TGIF1: variants seen among roughly 807,000 people sequenced by gnomAD.
The protein encoded by TGIF1 is TGFB induced factor homeobox 1.
Under a neutral mutation model 19.3 loss-of-function variants are expected in TGIF1, and 4 were observed. The observed-to-expected ratio is 0.21, with a 90% CI of 0.10 to 0.47. The LOEUF is 0.47. Ranked by LOEUF, TGIF1 falls within the 20% of genes least tolerant of loss-of-function variation. The pLI is 0.98. For missense variants in TGIF1, 275 were observed against 341.4 expected, an observed-to-expected ratio of 0.81 and a Z score of 1.53; for synonymous variants, 122 against 129.3, an observed-to-expected ratio of 0.94 and a Z score of 0.38.
intron 2 of TGIF1, among the ~76,000 whole-genome samples, chr18:3,441,069 G>GT (rs999242381): frequency 6.6e-6 from 1 of 152,048 alleles, no homozygotes; most frequent in Non-Finnish European, 1.5e-5. Context: ...CCCCCTCCAT[G>GT]TTTTTTGGTT....
At chr18:3,426,216 T>A (rs1199226642) in intron 2 of TGIF1, among the ~76,000 whole-genome samples, 3 of 143,560 alleles carry the variant, frequency 2.1e-5, no homozygotes, top group African/African-American at 8.1e-5. Flanking sequence ...TTGCCCAGGC[T>A]GGAGTGCAGT....
chr18:3,429,981 C>G (rs778090599), intron 2 of TGIF1, among the ~76,000 whole-genome samples: 17 of 152,166 alleles, frequency 1.1e-4, no homozygotes, highest in Non-Finnish European at 2.2e-4. Context: ...ATGGCAAAAC[C>G]CCTTCTCTAC....
chr18:3,448,604 G>A (rs2082795913), upstream of TGIF1: 2 of 985,412 alleles, frequency 2.0e-6, no homozygotes, highest in Non-Finnish European at 2.4e-6. Context: ...TAAGGTTGCT[G>A]CCTTCTTAGA....
Position 3,451,345 on chromosome 18 carries a change from AG to A in TGIF1, c.16+845del. ...TTGGTTTAAAAACAAAATACACCGG[AG>A]GGGGACGGGGGGTGGAGAAACCACA... On this transcript the variant is annotated intron_variant, in intron 1 of 2. Transcript: ENST00000343820. This position sits in a 1 kb window ranked among gnomAD's most constrained non-coding sequence, Gnocchi z 5.4. The A allele has an allele frequency of 1.0e-6, 1 of 985,168 alleles. No homozygotes were observed. Among genetic ancestry groups the A allele is most frequent in the Non-Finnish European group, 1.2e-6 (1 of 829,754 alleles). 61.0% of individuals were successfully genotyped at this position (985,168 alleles called of 1,614,324 possible).
rs2049423215 is a variant in TGIF1, at chr18:3,458,111, A to C, written c.*171A>C. ...GGAATACAGTCATTCCAAGAACTAT[A>C]AACTTAAAGCTACTGTAGAAACAAA... On this transcript the variant is annotated 3_prime_UTR_variant, in exon 3 of 3. Coordinates refer to ENST00000343820, the MANE Select transcript of TGIF1 (RefSeq NM_003244.4). 1.6e-6 allele frequency: 1 copy of C among 632,934 alleles called. No homozygotes were observed. Among genetic ancestry groups the C allele is most frequent in the Admixed American group, 2.9e-5 (1 of 34,190 alleles). 39.2% of individuals were successfully genotyped at this position (632,934 alleles called of 1,614,324 possible).
At chr18:3,430,399 G>A (rs969124742) in intron 2 of TGIF1, among the ~76,000 whole-genome samples, 1 of 152,094 alleles carries the variant, frequency 6.6e-6, no homozygotes, top group Non-Finnish European at 1.5e-5. Flanking sequence ...TAATAAAAAT[G>A]TGAAATGTTA....
chr18:3,415,437 G>A (rs2082319881), intron 1 of TGIF1: 2 of 496,504 alleles, frequency 4.0e-6, no homozygotes, highest in Admixed American at 2.1e-5. Flanking sequence ...CTCAGGCAGA[G>A]GATCCAAAAT....
rs759717484 is a variant in TGIF1, at chr18:3,457,683, C to T, written c.562C>T (p.Leu188Phe). 1.9e-6 allele frequency: 3 copies of T among 1,614,236 alleles called. No homozygotes were observed. The highest frequency in any genetic ancestry group is 2.5e-6 in the Non-Finnish European group (3 of 1,180,044). ...TGCATTGAAAGATGTCCCTTTCTCTCTCTGCCAGTCGGTCGGTGTGGGACA... is the reference window on the plus strand; with the variant it reads ...TGCATTGAAAGATGTCCCTTTCTCTTTCTGCCAGTCGGTCGGTGTGGGACA... ...VTALKDVPFSLCQSVGVGQNT... is the reference protein window; with the variant it reads ...VTALKDVPFSFCQSVGVGQNT... The change falls in exon 3 of 3, where the codon CTC (leucine) becomes TTC (phenylalanine). Residue 188 changes from leucine to phenylalanine, a missense_variant. By Grantham distance (22) the Leu-to-Phe change is conservative. Transcript: ENST00000343820. This position sits in a 1 kb window ranked among gnomAD's most constrained non-coding sequence, Gnocchi z 4.9.
chr18:3,445,756 G>GGAAAA (rs2082735642), upstream of TGIF1, among the ~76,000 whole-genome samples: 1 of 22,746 alleles, frequency 4.4e-5, no homozygotes, highest in Non-Finnish European at 7.1e-5. Context: ...AAAAAAAAGA[G>GGAAAA]AAGAAAAGCA....
At chr18:3,448,717 C>CTTTGTTTTTTTTTTTTTTTTTTTTTTTTT (rs2082803061), upstream of TGIF1, 1 of 244,906 alleles carries the variant, frequency 4.1e-6, no homozygotes, top group African/African-American at 4.2e-5. Context: ...GCGGGGGTGT[C>CTTTGTTTTTTTTTTTTTTTTTTTTTTTTT]TTTTTTTTTT....
chr18:3,414,218 T>G (rs2082303638), intron 1 of TGIF1, among the ~76,000 whole-genome samples: 1 of 152,238 alleles, frequency 6.6e-6, no homozygotes, highest in South Asian at 2.1e-4. Context: ...TTATTCTCAC[T>G]TAAATACTTC....
At chr18:3,440,718 G>A (rs981575706) in intron 2 of TGIF1, among the ~76,000 whole-genome samples, 5 of 152,164 alleles carry the variant, frequency 3.3e-5, no homozygotes, top group Admixed American at 6.5e-5. Flanking sequence ...GTAAATGTCC[G>A]ATAATTGGGC....
At position 3,451,304 on chromosome 18, in the gene TGIF1, A is replaced by G. The variant is rs1568047277; in HGVS notation, c.16+799A>G. 1 of 954,426 alleles carries G rather than the reference A, an allele frequency of 1.0e-6. No homozygotes were observed. The highest frequency in any genetic ancestry group is 1.8e-5 in the African/African-American group (1 of 56,438). 59.1% of individuals were successfully genotyped at this position (954,426 alleles called of 1,614,324 possible). On this transcript the variant is annotated intron_variant, in intron 1 of 2. Coordinates refer to ENST00000343820, the MANE Select transcript of TGIF1 (RefSeq NM_003244.4). The surrounding 1 kb of genome is among the most constrained non-coding windows in gnomAD (Gnocchi z 5.4). ...GAAGTGTTCTGGAAGCTTTACAACT[A>G]AAACTTGCCGTCAGTTTGGTTTAAA... is the stretch of plus-strand genomic sequence containing the variant.
chr18:3,439,156 G>C (rs1415460705), intron 2 of TGIF1, among the ~76,000 whole-genome samples: 1 of 152,044 alleles, frequency 6.6e-6, no homozygotes, highest in Non-Finnish European at 1.5e-5. Flanking sequence ...TAAGGGAGAA[G>C]GTGACACTAG....
At position 3,451,912 on chromosome 18, in the gene TGIF1, T is replaced by G. The variant is rs2082953434; in HGVS notation, c.16+1407T>G. 2.0e-6 allele frequency: 3 copies of G among 1,528,448 alleles called. No homozygotes were observed. Among genetic ancestry groups the G allele is most frequent in the Admixed American group, 2.1e-5 (1 of 47,886 alleles). 94.7% of individuals were successfully genotyped at this position (1,528,448 alleles called of 1,614,324 possible). A position where few individuals can be genotyped will look rare whatever the true frequency, so the allele number is the denominator to read the frequency against. ...GCCGACCCTTGGGAGGACTGACAGG[T>G]CTAGAGACACGCGCTGTCTGTTGTG... On this transcript the variant is annotated intron_variant, in intron 1 of 2. Transcript: ENST00000343820. This position sits in a 1 kb window ranked among gnomAD's most constrained non-coding sequence, Gnocchi z 5.4.
Position 3,451,524 on chromosome 18 carries a change from A to G in TGIF1, c.16+1019A>G. ...GAGTGGTTCAAAACAGAAGTTAATCACTCGGGAAGCGGACGGGAGGGGCGG... is the reference window on the plus strand; with the variant it reads ...GAGTGGTTCAAAACAGAAGTTAATCGCTCGGGAAGCGGACGGGAGGGGCGG... On this transcript the variant is annotated intron_variant, in intron 1 of 2. Coordinates refer to ENST00000343820, the MANE Select transcript of TGIF1 (RefSeq NM_003244.4). This position sits in a 1 kb window ranked among gnomAD's most constrained non-coding sequence, Gnocchi z 5.4. The G allele has an allele frequency of 5.0e-6, 5 of 999,828 alleles. No individual in the cohort carries two copies. The highest frequency in any genetic ancestry group is 5.9e-6 in the Non-Finnish European group (5 of 840,362). The allele number at this position is 999,828 out of a possible 1,614,324, so 61.9% of individuals were successfully genotyped here. A position where few individuals can be genotyped will look rare whatever the true frequency, so the allele number is the denominator to read the frequency against.
chr18:3,433,313 A>T (rs1280272797), intron 2 of TGIF1, among the ~76,000 whole-genome samples: 6 of 151,832 alleles, frequency 4.0e-5, no homozygotes, highest in Non-Finnish European at 7.4e-5. Context: ...GCCTCACGTG[A>T]TCCGCCCGCC....
intron 2 of TGIF1, among the ~76,000 whole-genome samples, chr18:3,437,644 T>G (rs1339733341): frequency 2.0e-5 from 3 of 152,244 alleles, no homozygotes; most frequent in Non-Finnish European, 4.4e-5. Flanking sequence ...ATTTCAAAGC[T>G]ACACGGAAGG....
chr18:3,426,444 C>T (rs1340045040), intron 2 of TGIF1, among the ~76,000 whole-genome samples: 6 of 152,152 alleles, frequency 3.9e-5, no homozygotes, highest in Non-Finnish European at 7.4e-5. Context: ...GCTGGCATTA[C>T]AGGCATGAGT....
Sources: allele counts gnomAD v4.1 joint callset (sites outside exome capture counted in the v4.1 genomes callset), GRCh38; gene constraint gnomAD v4.1.1; non-coding constraint Gnocchi (gnomAD v3.1); transcripts MANE v1.5; gene names NCBI Gene and HGNC (gene_info 2026-07-23, HGNC 2026-07-21).